NPFFR1: variants seen among roughly 807,000 people sequenced by gnomAD.
The protein encoded by NPFFR1 is G-protein coupled receptor 147.
Under a neutral mutation model 12.7 loss-of-function variants are expected in NPFFR1, and 17 were observed. The ratio of observed to expected loss-of-function variants is 1.34; its 90% CI spans 0.92 to 2.01. The LOEUF (loss-of-function observed/expected upper bound fraction) is 2.01, where lower values mean the gene tolerates loss of function less well. Among genes scored for constraint, NPFFR1 ranks in the 30% most tolerant of loss-of-function variants. The probability of loss-of-function intolerance (pLI) is 0.00; values close to 1 mark genes in which losing one functional copy is unlikely to be tolerated. For synonymous variants in NPFFR1, 296 were observed against 264.5 expected (o/e 1.12, Z -1.16); for missense variants, 604 against 606.5 (o/e 1.00, Z 0.04).
chr10:70,260,403 GCCAA>G (rs1476888228), intron 3 of NPFFR1, among the ~76,000 whole-genome samples: 2 of 152,128 alleles, frequency 1.3e-5, no homozygotes, highest in Non-Finnish European at 2.9e-5. Context: ...CCCAACAAAA[GCCAA>G]CCAAGGCTAC....
In NPFFR1 at chr10:70,248,491, T is replaced by TTTTTTTTTTTG. The variant is rs1840477752; in HGVS notation, c.*6465_*6466insCAAAAAAAAAA. 1 of 136,846 alleles carries TTTTTTTTTTTG rather than the reference T, an allele frequency of 7.3e-6. No individual in the cohort carries two copies. Among genetic ancestry groups the TTTTTTTTTTTG allele is most frequent in the Non-Finnish European group, 1.6e-5 (1 of 63,624 alleles). The allele number at this position is 136,846 out of a possible 1,614,324, so 8.5% of individuals were successfully genotyped here. ...CGTTTTTTTTTTGTTTTTTGTTTTT[T>TTTTTTTTTTTG]TTTTTTTTTTTTGAGATGGAGTCTC... is the stretch of plus-strand genomic sequence containing the variant. On this transcript the variant is annotated 3_prime_UTR_variant, in exon 4 of 4. Coordinates refer to ENST00000277942, the MANE Select transcript of NPFFR1 (RefSeq NM_022146.5).
In NPFFR1 at chr10:70,255,776, C is replaced by G. The variant is rs747421830; in HGVS notation, c.474G>C (p.Ala158=). 6.2e-7 allele frequency: 1 copy of G among 1,611,568 alleles called. No homozygotes were observed. The highest frequency in any genetic ancestry group is 1.7e-5 in the Admixed American group (1 of 59,754). The part of the protein sequence containing the change: ...PFREKLTLRK[A]LVTIAVIWAL... ...CCCAGATGACGGCGATGGTGACGAG[C>G]GCCTTCCGCAGGGTCAGCTTCTCGC... Residue 158 remains alanine (A), a synonymous_variant, in exon 4 of 4, where the codon GCG becomes GCC. Transcript: ENST00000277942. The surrounding 1 kb of genome is among the most constrained non-coding windows in gnomAD (Gnocchi z 4.2).
chr10:70,254,888 G>A lies in NPFFR1; in HGVS notation c.*69C>T, dbSNP rs1840544487. The A allele has an allele frequency of 2.9e-6, 4 of 1,364,736 alleles. No individual in the cohort carries two copies. In the East Asian group the frequency reaches 8.7e-5, roughly 30 times the overall value. The allele number at this position is 1,364,736 out of a possible 1,614,324, so 84.5% of individuals were successfully genotyped here. On this transcript the variant is annotated 3_prime_UTR_variant, in exon 4 of 4. Transcript: ENST00000277942. The stretch of plus-strand genomic sequence containing the variant: ...CATCCTCACCTAACCACACCAGGCC[G>A]CTATCGCCTGCATGTATCTCGTGTC...
intron 1 of NPFFR1, among the ~76,000 whole-genome samples, chr10:70,268,900 G>GAAGTGTGATTCATTAAGGTCCATTATGA (rs1287320233): frequency 2.6e-5 from 4 of 152,208 alleles, no homozygotes; most frequent in Non-Finnish European, 5.9e-5. Flanking sequence ...TGTGGACATG[G>GAAGTGTGATTCATTAAGGTCCATTATGA]AAGTGTGATT....
chr10:70,268,374 G>C (rs1840716673), intron 1 of NPFFR1, among the ~76,000 whole-genome samples: 1 of 152,154 alleles, frequency 6.6e-6, no homozygotes, highest in African/African-American at 2.4e-5. Flanking sequence ...TTTCCTGATT[G>C]TTTCATAATT....
Position 70,250,706 on chromosome 10 carries a change from A to G in NPFFR1, c.*4251T>C, listed in dbSNP as rs1041740606. On this transcript the variant is annotated 3_prime_UTR_variant, in exon 4 of 4. Coordinates refer to ENST00000277942, the MANE Select transcript of NPFFR1 (RefSeq NM_022146.5). ...TGAAATCAGATCATCGTTTTCTGGAATCAGGAGCGTGGGAAAGGACTGACT... is the reference window on the plus strand; with the variant it reads ...TGAAATCAGATCATCGTTTTCTGGAGTCAGGAGCGTGGGAAAGGACTGACT... The G allele has an allele frequency of 1.3e-5, 2 of 152,246 alleles. No individual in the cohort carries two copies. Among genetic ancestry groups the G allele is most frequent in the Admixed American group, 6.6e-5 (1 of 15,266 alleles). The allele number at this position is 152,246 out of a possible 1,614,324, so 9.4% of individuals were successfully genotyped here.
chr10:70,266,243 G>A lies in NPFFR1; in HGVS notation c.156C>T (p.Leu52=). 4 of 1,613,992 alleles carry A rather than the reference G, an allele frequency of 2.5e-6. No individual in the cohort carries two copies. Among genetic ancestry groups the A allele is most frequent in the Non-Finnish European group, 3.4e-6 (4 of 1,179,884 alleles). ...TGCCCACCATGCAGAGCAGGAAGAT[G>A]AGCGCATAGGCCACAATGAACATGG... ...VAAMFIVAYA[L]IFLLCMVGNT... The change falls in exon 2 of 4, where the codon CTC becomes CTT. Residue 52 remains leucine (L), a synonymous_variant. Coordinates refer to ENST00000277942, the MANE Select transcript of NPFFR1 (RefSeq NM_022146.5).
chr10:70,277,221 G>C (rs1840813429), intron 1 of NPFFR1, among the ~76,000 whole-genome samples: 1 of 152,194 alleles, frequency 6.6e-6, no homozygotes, highest in East Asian at 1.9e-4. Context: ...AGGAAGGCGT[G>C]GAAGGTCTTC....
chr10:70,271,708 C>T (rs1388521834), intron 1 of NPFFR1, among the ~76,000 whole-genome samples: 1 of 152,062 alleles, frequency 6.6e-6, no homozygotes, highest in Non-Finnish European at 1.5e-5. Context: ...ACTAAGAGCA[C>T]ATCGTACACA....
chr10:70,276,118 A>G (rs1303354289), intron 1 of NPFFR1, among the ~76,000 whole-genome samples: 4 of 152,194 alleles, frequency 2.6e-5, no homozygotes. Context: ...TTGATTTGGA[A>G]GGAACTTTGC....
chr10:70,257,520 AG>A (rs886684074), intron 3 of NPFFR1, among the ~76,000 whole-genome samples: 4 of 152,366 alleles, frequency 2.6e-5, no homozygotes, highest in Non-Finnish European at 5.9e-5. Context: ...CACTGCGGAA[AG>A]CCGCGGGGAC....
At chr10:70,276,319 G>A (rs1840804006) in intron 1 of NPFFR1, among the ~76,000 whole-genome samples, 1 of 152,064 alleles carries the variant, frequency 6.6e-6, no homozygotes, top group African/African-American at 2.4e-5. Context: ...ATCACTGCTT[G>A]GAGTCCTAGG....
chr10:70,267,841 G>T (rs996705533), intron 1 of NPFFR1, among the ~76,000 whole-genome samples: 5 of 152,346 alleles, frequency 3.3e-5, no homozygotes, highest in African/African-American at 1.2e-4. Context: ...CATCAGGGCT[G>T]CAGGGACCAG....
chr10:70,267,194 G>A (rs1372447017), intron 1 of NPFFR1, among the ~76,000 whole-genome samples: 1 of 152,188 alleles, frequency 6.6e-6, no homozygotes, highest in Non-Finnish European at 1.5e-5. Flanking sequence ...TAGAGAAAGG[G>A]AGAATGAAGG....
Position 70,266,059 on chromosome 10 carries a change from C to T in NPFFR1, c.322+18G>A, listed in dbSNP as rs533764449. 2 of 1,607,554 alleles carry T rather than the reference C, an allele frequency of 1.2e-6. No individual in the cohort carries two copies. The highest frequency in any genetic ancestry group is 1.1e-5 in the South Asian group (1 of 90,248). ...TGGGGGGTAGGGGACACTCCTGCTG[C>T]CAACTGCCCGCACTCACCAGTGATG... On this transcript the variant is annotated intron_variant, in intron 2 of 3. Coordinates refer to ENST00000277942, the MANE Select transcript of NPFFR1 (RefSeq NM_022146.5).
Position 70,249,532 on chromosome 10 carries a change from G to C in NPFFR1, c.*5425C>G, listed in dbSNP as rs1446740108. On this transcript the variant is annotated 3_prime_UTR_variant, in exon 4 of 4. Transcript: ENST00000277942. ...GAATCTCACTCTGTCACCTAGGCTGGAGTGCAGTGGCGCCATCTTGGCTCA... is the reference window on the plus strand; with the variant it reads ...GAATCTCACTCTGTCACCTAGGCTGCAGTGCAGTGGCGCCATCTTGGCTCA... The C allele has an allele frequency of 1.5e-4, 23 of 151,860 alleles. No homozygotes were observed. The highest frequency in any genetic ancestry group is 1.5e-3 in the Admixed American group (23 of 15,250). The allele number at this position is 151,860 out of a possible 1,614,324, so 9.4% of individuals were successfully genotyped here.
intron 1 of NPFFR1, among the ~76,000 whole-genome samples, chr10:70,268,904 T>C (rs1465695439): frequency 2.0e-5 from 3 of 152,092 alleles, no homozygotes; most frequent in Non-Finnish European, 4.4e-5. Context: ...GACATGGAAG[T>C]GTGATTCATT....
rs553478627 is a variant in NPFFR1, at chr10:70,255,609, C to T, written c.641G>A (p.Arg214Lys). The part of the protein sequence containing the change: ...WEAWPEKGMR[R>K]VYTTVLFSHI... ...CGAGAAGAGCACAGTGGTGTAGACCCTGCGCATGCCCTTCTCGGGCCAGGC... is the reference window on the plus strand; with the variant it reads ...CGAGAAGAGCACAGTGGTGTAGACCTTGCGCATGCCCTTCTCGGGCCAGGC... Residue 214 changes from arginine to lysine, a missense_variant, in exon 4 of 4, where the codon AGG becomes AAG. By Grantham distance (26) the Arg-to-Lys change is conservative. Coordinates refer to ENST00000277942, the MANE Select transcript of NPFFR1 (RefSeq NM_022146.5). The surrounding 1 kb of genome is among the most constrained non-coding windows in gnomAD (Gnocchi z 4.2). 2 of 1,563,394 alleles carry T rather than the reference C, an allele frequency of 1.3e-6. No individual in the cohort carries two copies. The highest frequency in any genetic ancestry group is 4.8e-5 in the East Asian group (2 of 41,902).
rs539792920 is a variant in NPFFR1, at chr10:70,280,534, G to A, written c.7+3136C>T. ...GTTAGCCATTTGTATGTCTTCTTTCGAGAAATGTCTATTCAGATTTCTTAC... is the reference window on the plus strand; with the variant it reads ...GTTAGCCATTTGTATGTCTTCTTTCAAGAAATGTCTATTCAGATTTCTTAC... On this transcript the variant is annotated intron_variant, in intron 1 of 3. Transcript: ENST00000277942. 8.1e-4 allele frequency among the ~76,000 whole-genome samples: 124 copies of A among 152,148 alleles called. No homozygotes were observed. In the South Asian group the frequency reaches 0.01, roughly 13 times the overall value.
Sources: gnomAD v4.1 joint callset for allele counts (sites outside exome capture counted in the v4.1 genomes callset) on GRCh38, gnomAD v4.1.1 for gene constraint, Gnocchi (gnomAD v3.1) non-coding constraint, MANE v1.5 for transcripts, NCBI Gene and HGNC (gene_info 2026-07-23, HGNC 2026-07-21) for gene names.